Variants in SETD5 observed in about 807,000 individuals in gnomAD.
SETD5 encodes histone-lysine N-methyltransferase SETD5.
A neutral mutation model predicts 153.3 loss-of-function variants in SETD5; 44 were observed. The observed-to-expected ratio is 0.29, with a 90% confidence interval of 0.23 to 0.37. The LOEUF (loss-of-function observed/expected upper bound fraction) is 0.37, where lower values mean the gene tolerates loss of function less well. Ranked by LOEUF, SETD5 falls within the 10% of genes least tolerant of loss-of-function variation. The probability of loss-of-function intolerance (pLI) is 1.00; values close to 1 mark genes in which losing one functional copy is unlikely to be tolerated. For synonymous variants in SETD5, 716 were observed against 645.2 expected (o/e 1.11, Z -1.66); for missense variants, 1,544 against 1,768.0 (o/e 0.87, Z 2.27).
intron 22 of SETD5, 134 bp from the exon 23 acceptor site, chr3:9,475,349 T>C: frequency 1.5e-6 from 2 of 1,309,250 alleles, no homozygotes; most frequent in East Asian, 4.9e-5. Flanking sequence ...ACAGACATTT[T>C]ACTGCCTTTG....
intron 1 of SETD5, among the ~76,000 whole-genome samples, chr3:9,421,633 A>AT (rs2038420202): frequency 6.6e-6 from 1 of 152,254 alleles, no homozygotes; most frequent in Non-Finnish European, 1.5e-5. Context: ...CTATAGATGT[A>AT]TTTAAGAAGA....
rs530645975 is a variant in SETD5, at chr3:9,447,504, CTAGCCTCTTTAGCTCATTTAA to C, written c.1783-181_1783-161del. On this transcript the variant is annotated intron_variant, in intron 14 of 22. Coordinates refer to ENST00000402198, the MANE Select transcript of SETD5 (RefSeq NM_001080517.3). ...TTAGAAATAACGCAAACATTTGTCG[CTAGCCTCTTTAGCTCATTTAA>C]GTGTATACATTTTTGTATTTAAAAA... is the stretch of plus-strand genomic sequence containing the variant. Among the ~76,000 whole-genome samples, 4,405 of 152,280 alleles carry C rather than the reference CTAGCCTCTTTAGCTCATTTAA, an allele frequency of 0.029. 207 individuals are homozygous for C. Among genetic ancestry groups the C allele is most frequent in the African/African-American group, 0.1 (4,159 of 41,548 alleles).
intron 18 of SETD5, among the ~76,000 whole-genome samples, chr3:9,470,140 A>G (rs992757963): frequency 6.6e-6 from 1 of 152,182 alleles, no homozygotes; most frequent in African/African-American, 2.4e-5. Flanking sequence ...TTAGTGTAGT[A>G]CAAGGTGACT....
At chr3:9,471,827 C>T (rs1480961183) in intron 19 of SETD5, among the ~76,000 whole-genome samples, 3 of 152,282 alleles carry the variant, frequency 2.0e-5, no homozygotes, top group African/African-American at 7.2e-5. Context: ...GGGACAGTCC[C>T]ATGTAATGGC....
intron 7 of SETD5, among the ~76,000 whole-genome samples, chr3:9,437,795 G>A (rs1252891315): frequency 6.6e-6 from 1 of 152,026 alleles, no homozygotes; most frequent in African/African-American, 2.4e-5. Context: ...CTGAGGTCAG[G>A]AATTCAAGAC....
At chr3:9,449,350 T>G (rs1295632855) in intron 16 of SETD5, 3 of 152,210 alleles carry the variant, frequency 2.0e-5, no homozygotes, top group Non-Finnish European at 4.4e-5. Context: ...AGGTGTCTCT[T>G]AGGAATAGAT....
chr3:9,448,842 T>G (rs2042308065), intron 16 of SETD5, among the ~76,000 whole-genome samples: 1 of 152,226 alleles, frequency 6.6e-6, no homozygotes, highest in Admixed American at 6.5e-5. Flanking sequence ...GCATTTTTAG[T>G]GCTCAGATTT....
Position 9,476,859 on chromosome 3 carries a change from G to A in SETD5, c.*768G>A, listed in dbSNP as rs927195658. The A allele has an allele frequency of 1.0e-4, 16 of 152,610 alleles. No homozygotes were observed. Among genetic ancestry groups the A allele is most frequent in the African/African-American group, 3.9e-4 (16 of 41,436 alleles). 9.5% of individuals were successfully genotyped at this position (152,610 alleles called of 1,614,324 possible). ...ATTTCACAGCTCAGTAACCCATGAA[G>A]TAAGTAGACAAGAAAAGGAGGAATG... On this transcript the variant is annotated 3_prime_UTR_variant, in exon 23 of 23. Transcript: ENST00000402198.
At chr3:9,475,409 G>C (rs2045755952) in intron 22 of SETD5, 74 bp from the exon 23 acceptor site, 1 of 1,526,244 alleles carries the variant, frequency 6.6e-7, no homozygotes, top group Non-Finnish European at 8.8e-7. Context: ...AAGAATGTAG[G>C]GTATTATAAA....
chr3:9,437,919 C>A (rs1431221974), intron 7 of SETD5, among the ~76,000 whole-genome samples: 2 of 151,628 alleles, frequency 1.3e-5, no homozygotes, highest in African/African-American at 4.9e-5. Flanking sequence ...AGGAGAATCG[C>A]TTGAACCCAG....
At chr3:9,410,000 G>A (rs1224036318) in intron 1 of SETD5, among the ~76,000 whole-genome samples, 1 of 152,130 alleles carries the variant, frequency 6.6e-6, no homozygotes, top group Non-Finnish European at 1.5e-5. Flanking sequence ...TGCCCTTAGG[G>A]TATATCCCTT....
Position 9,434,643 on chromosome 3 carries a change from GACA to G in SETD5, c.329+163_329+165del. 1 of 1,471,902 alleles carries G rather than the reference GACA, an allele frequency of 6.8e-7. No individual in the cohort carries two copies. Among genetic ancestry groups the G allele is most frequent in the Non-Finnish European group, 9.0e-7 (1 of 1,112,006 alleles). 91.2% of individuals were successfully genotyped at this position (1,471,902 alleles called of 1,614,324 possible). ...TTCTCTGCACTAGGTGAGAATTGCTGACAACAAGGAATGAGAGATTGATGTTAA... is the reference window on the plus strand; with the variant it reads ...TTCTCTGCACTAGGTGAGAATTGCTGACAAGGAATGAGAGATTGATGTTAA... On this transcript the variant is annotated intron_variant, in intron 5 of 22. Coordinates refer to ENST00000402198, the MANE Select transcript of SETD5 (RefSeq NM_001080517.3). The surrounding 1 kb of genome is among the most constrained non-coding windows in gnomAD (Gnocchi z 5.6).
intron 3 of SETD5, chr3:9,433,370 G>T (rs994629595): frequency 1.1e-5 from 14 of 1,289,576 alleles, no homozygotes; most frequent in African/African-American, 3.0e-5. Context: ...CTTTCTTCAG[G>T]GTATCCTGTC....
chr3:9,438,416 C>T (rs1559409138), intron 7 of SETD5, among the ~76,000 whole-genome samples: 2 of 152,122 alleles, frequency 1.3e-5, no homozygotes, highest in Admixed American at 6.5e-5. Flanking sequence ...TCCAGAAGCT[C>T]GAAACCTTTC....
intron 1 of SETD5, among the ~76,000 whole-genome samples, chr3:9,408,103 C>T (rs961976959): frequency 6.6e-5 from 10 of 152,102 alleles, no homozygotes; most frequent in Non-Finnish European, 1.3e-4. Context: ...TAATAGCACC[C>T]GTTTCACTCT....
At chr3:9,457,783 A>G (rs2043442617) in intron 17 of SETD5, among the ~76,000 whole-genome samples, 1 of 149,142 alleles carries the variant, frequency 6.7e-6, no homozygotes, top group South Asian at 2.1e-4. Flanking sequence ...CCTTTGATAA[A>G]TTTCATGTTC....
chr3:9,470,324 A>C (rs950205438), intron 18 of SETD5, 135 bp from the exon 19 acceptor site: 38 of 695,162 alleles, frequency 5.5e-5, no homozygotes, highest in Non-Finnish European at 9.2e-5. Context: ...TTTACAGAAT[A>C]TAATGGCTTT....
intron 17 of SETD5, 99 bp downstream of exon 17, chr3:9,453,967 G>T: frequency 7.7e-7 from 1 of 1,304,576 alleles, no homozygotes. Context: ...AAGAAATGGC[G>T]TGTTTTCTAA....
intron 17 of SETD5, among the ~76,000 whole-genome samples, chr3:9,456,441 C>G (rs990793946): frequency 6.7e-6 from 1 of 149,998 alleles, no homozygotes; most frequent in Non-Finnish European, 1.5e-5. Context: ...CCACTCCACT[C>G]CAGCCTGGGT....
Sources: allele counts gnomAD v4.1 joint callset (sites outside exome capture counted in the v4.1 genomes callset), GRCh38; gene constraint gnomAD v4.1.1; non-coding constraint Gnocchi (gnomAD v3.1); transcripts MANE v1.5; gene names NCBI Gene and HGNC (gene_info 2026-07-23, HGNC 2026-07-21).